GABBR2: variants seen among roughly 807,000 people sequenced by gnomAD.
GABBR2 encodes the protein G-protein coupled receptor 51.
GABBR2 carries 23 observed loss-of-function variants against 105.6 expected under a neutral mutation model. That is an observed-to-expected ratio of 0.22 (90% confidence interval 0.16 to 0.31). The LOEUF is 0.31. Ranked by LOEUF, GABBR2 falls within the 10% of genes least tolerant of loss-of-function variation. The pLI is 1.00. For missense variants in GABBR2, 734 were observed against 1,245.5 expected (o/e 0.59, Z 6.18); for synonymous variants, 478 against 499.7 (o/e 0.96, Z 0.58).
intron 1 of GABBR2, among the ~76,000 whole-genome samples, chr9:98,656,349 C>T (rs984313016): frequency 1.4e-4 from 21 of 152,016 alleles, no homozygotes; most frequent in Admixed American, 1.2e-3. Context: ...TGGAGCAGAA[C>T]TAAATGGAAG....
intron 1 of GABBR2, among the ~76,000 whole-genome samples, chr9:98,636,485 CTTTTTTT>C (rs10559312): frequency 6.0e-5 from 4 of 66,206 alleles, no homozygotes; most frequent in African/African-American, 2.4e-4. Context: ...TCTTTCCTTT[CTTTTTTT>C]TTTTTTTTTT....
chr9:98,685,493 G>A (rs1310775022), intron 1 of GABBR2, among the ~76,000 whole-genome samples: 1 of 152,146 alleles, frequency 6.6e-6, no homozygotes, highest in Non-Finnish European at 1.5e-5. Flanking sequence ...TAATATACTT[G>A]TTGAATGAAT....
chr9:98,478,151 T>A (rs187002633), intron 5 of GABBR2, among the ~76,000 whole-genome samples: 3 of 152,284 alleles, frequency 2.0e-5, no homozygotes, highest in East Asian at 1.9e-4. Flanking sequence ...TGCGATCCCA[T>A]TGGGTGGCAG....
intron 1 of GABBR2, among the ~76,000 whole-genome samples, chr9:98,662,757 T>A (rs1830281428): frequency 6.6e-6 from 1 of 152,092 alleles, no homozygotes; most frequent in African/African-American, 2.4e-5. Context: ...GGCTAGGGTG[T>A]CACCTTGCTT....
At chr9:98,503,809 G>A (rs529163889) in intron 3 of GABBR2, among the ~76,000 whole-genome samples, 2 of 152,240 alleles carry the variant, frequency 1.3e-5, no homozygotes, top group East Asian at 3.9e-4. Context: ...GTCACCTAAA[G>A]ACTTTGGGAC....
chr9:98,484,661 C>T (rs949888246), intron 4 of GABBR2, among the ~76,000 whole-genome samples: 1 of 152,010 alleles, frequency 6.6e-6, no homozygotes, highest in African/African-American at 2.4e-5. Flanking sequence ...TTCTAGAGCA[C>T]GAGGAGGTGT....
At chr9:98,421,265 C>T (rs1240619813) in intron 7 of GABBR2, among the ~76,000 whole-genome samples, 1 of 152,128 alleles carries the variant, frequency 6.6e-6, no homozygotes, top group Non-Finnish European at 1.5e-5. Flanking sequence ...CTTTGTGAAA[C>T]TGGGTTTTCA....
chr9:98,332,253 T>A (rs559303164), intron 13 of GABBR2, among the ~76,000 whole-genome samples: 8 of 152,270 alleles, frequency 5.3e-5, no homozygotes, highest in African/African-American at 1.9e-4. Flanking sequence ...AAGGTGTAAA[T>A]CTATCCTGCA....
chr9:98,346,297 T>C (rs979144205), intron 13 of GABBR2, among the ~76,000 whole-genome samples: 5 of 152,264 alleles, frequency 3.3e-5, no homozygotes, highest in African/African-American at 1.2e-4. Context: ...ACTAAGTTTA[T>C]GGAATATTCT....
rs75218237 is a variant in GABBR2 at position 98,397,396 on chromosome 9, C to A, written c.1298-3141G>T. Among the ~76,000 whole-genome samples, 67 of 150,562 alleles carry A rather than the reference C, an allele frequency of 4.4e-4. 1 individual carries two copies. Among genetic ancestry groups the A allele is most frequent in the African/African-American group, 1.7e-3 (67 of 40,218 alleles). ...TACGTGCCAGGCTCTGGGCTAGGGG[C>A]CAGAGATACAGAGATTTTTTTTTTA... On this transcript the variant is annotated intron_variant, in intron 8 of 18. Coordinates refer to ENST00000259455, the MANE Select transcript of GABBR2 (RefSeq NM_005458.8).
intron 5 of GABBR2, among the ~76,000 whole-genome samples, chr9:98,476,824 T>G (rs527901288): frequency 5.3e-5 from 8 of 152,342 alleles, no homozygotes; most frequent in Non-Finnish European, 8.8e-5. Flanking sequence ...TGCCTCACTC[T>G]GAATTTGCTG....
intron 12 of GABBR2, among the ~76,000 whole-genome samples, chr9:98,369,085 C>A (rs554455371): frequency 3.3e-5 from 5 of 152,236 alleles, no homozygotes; most frequent in Non-Finnish European, 2.9e-5. Flanking sequence ...CTGGCCTGGG[C>A]GACTTCCAGT....
intron 7 of GABBR2, among the ~76,000 whole-genome samples, chr9:98,420,254 G>T (rs1044174080): frequency 6.6e-6 from 1 of 152,188 alleles, no homozygotes; most frequent in Non-Finnish European, 1.5e-5. Flanking sequence ...GCTCCAGCCA[G>T]CAGAGGAGCC....
chr9:98,645,274 C>T (rs576907262), intron 1 of GABBR2, among the ~76,000 whole-genome samples: 2 of 152,314 alleles, frequency 1.3e-5, no homozygotes, highest in South Asian at 4.1e-4. Context: ...ATCTACTTTG[C>T]ACCTAGAAGC....
At chr9:98,567,513 G>A (rs928254910) in intron 2 of GABBR2, among the ~76,000 whole-genome samples, 9 of 152,164 alleles carry the variant, frequency 5.9e-5, no homozygotes, top group Non-Finnish European at 1.3e-4. Context: ...GTCGGTGAGA[G>A]TTAATTTCAT....
intron 4 of GABBR2, among the ~76,000 whole-genome samples, chr9:98,491,629 C>A (rs1242255144): frequency 1.3e-5 from 2 of 152,182 alleles, no homozygotes. Flanking sequence ...AATTATGAAA[C>A]TCATGAGCAA....
At chr9:98,611,457 GGAATGAATGAATGAAT>G (rs10693570) in intron 1 of GABBR2, among the ~76,000 whole-genome samples, 12 of 150,076 alleles carry the variant, frequency 8.0e-5, no homozygotes, top group East Asian at 4.0e-4. Context: ...GTGCACCCGA[GGAATGAATGAATGAAT>G]GAATGAATGA....
intron 1 of GABBR2, chr9:98,607,964 G>A (rs1026117526): frequency 1.5e-6 from 2 of 1,306,710 alleles, no homozygotes; most frequent in Non-Finnish European, 2.2e-6. Context: ...AGCTCCAGCG[G>A]CACCATGAGC....
At chr9:98,598,972 C>G (rs546127902) in intron 1 of GABBR2, among the ~76,000 whole-genome samples, 18 of 152,298 alleles carry the variant, frequency 1.2e-4, no homozygotes, top group Admixed American at 7.8e-4. Context: ...ACCTCCTTAG[C>G]CCTCTGAAGT....
Sources: allele counts gnomAD v4.1 joint callset (sites outside exome capture counted in the v4.1 genomes callset), GRCh38; gene constraint gnomAD v4.1.1; transcripts MANE v1.5; gene names NCBI Gene and HGNC (gene_info 2026-07-23, HGNC 2026-07-21).